Variants in HDHD5 observed in about 807,000 individuals in gnomAD.
The protein encoded by HDHD5 is haloacid dehalogenase-like hydrolase domain-containing 5.
A neutral mutation model predicts 35.5 loss-of-function variants in HDHD5; 34 were observed. That is an observed-to-expected ratio of 0.96 (90% confidence interval 0.73 to 1.28). The LOEUF (loss-of-function observed/expected upper bound fraction) is 1.28, where lower values mean the gene tolerates loss of function less well. HDHD5 is among the 50% of genes most tolerant of loss of function. The pLI, the probability that HDHD5 is intolerant of heterozygous loss-of-function variation, is 0.00. For missense variants in HDHD5, 589 were observed against 560.2 expected, an observed-to-expected ratio of 1.05 and a Z score of -0.52; for synonymous variants, 248 against 240.6, an observed-to-expected ratio of 1.03 and a Z score of -0.29.
Position 17,137,881 on chromosome 22 carries a change from G to A in HDHD5, c.*140C>T. On this transcript the variant is annotated 3_prime_UTR_variant, in exon 8 of 8. Transcript: ENST00000336737. ...GTCACTGTCTTCTTCCAAGTGACCA[G>A]TAATGCCACACTCATGGGGCAGCAA... 1.5e-6 allele frequency: 1 copy of A among 647,784 alleles called. No homozygotes were observed. Among genetic ancestry groups the A allele is most frequent in the South Asian group, 2.0e-5 (1 of 50,538 alleles). 40.1% of individuals were successfully genotyped at this position (647,784 alleles called of 1,614,324 possible).
chr22:17,142,306 C>T (rs1023424003), intron 5 of HDHD5: 1 of 152,218 alleles, frequency 6.6e-6, no homozygotes, highest in Non-Finnish European at 1.5e-5. Context: ...GGTGAACAAC[C>T]TTTTCAGAAT....
At chr22:17,164,284 C>A (rs1428797146) in intron 1 of HDHD5, among the ~76,000 whole-genome samples, 1 of 150,444 alleles carries the variant, frequency 6.6e-6, no homozygotes, top group Non-Finnish European at 1.5e-5. Context: ...ACTTTCTCCA[C>A]AAACTTGCAC....
chr22:17,157,085 T>TACATACACACACACAC (rs1555881521), intron 1 of HDHD5, among the ~76,000 whole-genome samples: 1 of 143,682 alleles, frequency 7.0e-6, no homozygotes, highest in African/African-American at 2.6e-5. Context: ...CTCACACACA[T>TACATACACACACACAC]ACACACACAC....
At chr22:17,160,476 C>T (rs1190557552), upstream of HDHD5, among the ~76,000 whole-genome samples, 2 of 151,956 alleles carry the variant, frequency 1.3e-5, no homozygotes, top group South Asian at 2.1e-4. Flanking sequence ...GGTGAAACCC[C>T]GTCTCTGCTG....
intron 1 of HDHD5, among the ~76,000 whole-genome samples, chr22:17,157,217 A>T (rs1296043908): frequency 6.6e-6 from 1 of 152,032 alleles, no homozygotes; most frequent in Non-Finnish European, 1.5e-5. Flanking sequence ...AGAGTAAAAA[A>T]TTTTAAAAAT....
In HDHD5 at chr22:17,138,714, C is replaced by T. The variant is rs1568937796; in HGVS notation, c.771G>A (p.Leu257=). 6.2e-7 allele frequency: 1 copy of T among 1,614,234 alleles called. No individual in the cohort carries two copies. ...MPRFGHGTFL[L]CLETIYQKVT... is the part of the protein sequence containing the mutation. Reference sequence around the variant, plus strand: ...CTTTCTGGTAAATGGTTTCCAGGCACAGCAGAAAGGTGCCATGTCCAAACC... The same window carrying T: ...CTTTCTGGTAAATGGTTTCCAGGCATAGCAGAAAGGTGCCATGTCCAAACC... The change falls in exon 7 of 8, where the codon CTG becomes CTA. Residue 257 remains leucine, a synonymous_variant. Transcript: ENST00000336737.
intron 1 of HDHD5, among the ~76,000 whole-genome samples, chr22:17,155,304 G>C (rs1332227935): frequency 4.7e-5 from 7 of 149,970 alleles, no homozygotes; most frequent in African/African-American, 7.4e-5. Context: ...GGAGTGCAGT[G>C]GTGCAATCTC....
In HDHD5 at chr22:17,159,164, G is replaced by A; in HGVS notation, c.88C>T (p.Arg30Cys). 3 of 1,221,150 alleles carry A rather than the reference G, an allele frequency of 2.5e-6. No homozygotes were observed. Among genetic ancestry groups the A allele is most frequent in the Non-Finnish European group, 3.1e-6 (3 of 980,266 alleles). The allele number at this position is 1,221,150 out of a possible 1,614,324, so 75.6% of individuals were successfully genotyped here. Residue 30 changes from arginine (R) to cysteine (C), a missense_variant, in exon 1 of 8, where the codon CGC (arginine) becomes TGC (cysteine). Physicochemically the swap from Arg to Cys is radical, Grantham distance 180 (BLOSUM62 -3). Coordinates refer to ENST00000336737, the MANE Select transcript of HDHD5 (RefSeq NM_033070.3). The part of the protein sequence containing the change: ...AARAAAGLQG[R>C]PARRCYAVGP... ...ACAGCATAGCACCTGCGGGCGGGGC[G>A]GCCCTGGAGCCCCGCAGCCGCGCGC...
At chr22:17,163,991 C>T (rs1050560937), upstream of HDHD5, among the ~76,000 whole-genome samples, 6 of 152,094 alleles carry the variant, frequency 3.9e-5, no homozygotes, top group African/African-American at 1.2e-4. Flanking sequence ...GAGGTGGAGG[C>T]GGGCAGATCA....
At chr22:17,148,725 C>T (rs2061693673) in intron 2 of HDHD5, among the ~76,000 whole-genome samples, 165 bp from the exon 3 acceptor site, 1 of 152,130 alleles carries the variant, frequency 6.6e-6, no homozygotes, top group Non-Finnish European at 1.5e-5. Context: ...CTGAAAGGCA[C>T]CCAAACAGAT....
At chr22:17,138,493 G>C in intron 7 of HDHD5, 57 bp downstream of exon 7, 1 of 1,573,404 alleles carries the variant, frequency 6.4e-7, no homozygotes, top group Non-Finnish European at 8.7e-7. Context: ...GAGAGTAGAG[G>C]AGGAGGGAGA....
chr22:17,149,854 G>T, intron 1 of HDHD5, 109 bp from the exon 2 acceptor site: 3 of 880,220 alleles, frequency 3.4e-6, no homozygotes, highest in Non-Finnish European at 3.5e-6. Flanking sequence ...GAAAACCTAT[G>T]TCAGAAAGAA....
At chr22:17,152,211 T>A (rs2061734364) in intron 1 of HDHD5, among the ~76,000 whole-genome samples, 1 of 152,112 alleles carries the variant, frequency 6.6e-6, no homozygotes, top group South Asian at 2.1e-4. Flanking sequence ...TGGAAAGTGG[T>A]ATCATCAGAC....
intron 3 of HDHD5, among the ~76,000 whole-genome samples, chr22:17,146,709 A>G (rs74979985): frequency 8.5e-4 from 2 of 2,362 alleles, no homozygotes; most frequent in Non-Finnish European, 1.2e-3. Context: ...TCAATCACAC[A>G]TCATCGCACA....
chr22:17,163,720 C>A (rs1312494288), upstream of HDHD5, among the ~76,000 whole-genome samples: 2 of 152,192 alleles, frequency 1.3e-5, no homozygotes, highest in Non-Finnish European at 2.9e-5. Flanking sequence ...AAACAGCAGC[C>A]ATTCCTGGCA....
Position 17,138,134 on chromosome 22 carries a change from C to A in HDHD5, c.1159G>T (p.Gly387Trp). The A allele has an allele frequency of 6.2e-7, 1 of 1,614,166 alleles. No individual in the cohort carries two copies. The highest frequency in any genetic ancestry group is 8.5e-7 in the Non-Finnish European group (1 of 1,180,032). The stretch of plus-strand genomic sequence containing the variant: ...GGACTGAAGCATAAGTCTCGGTGCC[C>A]GTGGAATGGAGGCTCCCCTCCTCCA... ...VLGGGEPPFHGHRDLCFSPGL... is the reference protein window; with the variant it reads ...VLGGGEPPFHWHRDLCFSPGL... Residue 387 changes from glycine (G) to tryptophan (W), a missense_variant, in exon 8 of 8, where the codon GGG becomes TGG. Physicochemically the swap from Gly to Trp is radical, Grantham distance 184. Coordinates refer to ENST00000336737, the MANE Select transcript of HDHD5 (RefSeq NM_033070.3).
At chr22:17,144,979 A>G (rs763919548) in intron 4 of HDHD5, 45 bp downstream of exon 4, 2 of 1,609,570 alleles carry the variant, frequency 1.2e-6, no homozygotes, top group Non-Finnish European at 1.7e-6. Flanking sequence ...AGGGCACTGG[A>G]GGAGTGAAGG....
intron 3 of HDHD5, among the ~76,000 whole-genome samples, chr22:17,145,333 CCACCAGCAGT>C (rs2061649912): frequency 1.3e-5 from 2 of 152,162 alleles, no homozygotes; most frequent in South Asian, 4.1e-4. Flanking sequence ...CCTGGGTAAC[CCACCAGCAGT>C]CACCAGGCAC....
intron 1 of HDHD5, among the ~76,000 whole-genome samples, chr22:17,152,088 T>C (rs1369526160): frequency 6.6e-6 from 1 of 152,068 alleles, no homozygotes; most frequent in African/African-American, 2.4e-5. Flanking sequence ...CCCAGGACAG[T>C]CTACAGGGAG....
Sources: allele counts gnomAD v4.1 joint callset (sites outside exome capture counted in the v4.1 genomes callset), GRCh38; gene constraint gnomAD v4.1.1; transcripts MANE v1.5; gene names NCBI Gene and HGNC (gene_info 2026-07-23, HGNC 2026-07-21).